Variants in BPIFB2 observed in about 807,000 individuals in gnomAD.
BPIFB2 encodes the protein BPI fold-containing family B member 2.
BPIFB2 carries 39 observed loss-of-function variants against 50.1 expected under a neutral mutation model. The observed-to-expected ratio is 0.78, with a 90% CI of 0.60 to 1.02. The LOEUF is 1.02. BPIFB2 is among the 50% of genes least tolerant of loss of function. The probability of loss-of-function intolerance (pLI) is 0.00; values close to 1 mark genes in which losing one functional copy is unlikely to be tolerated. For missense variants in BPIFB2, 574 were observed against 585.8 expected, an observed-to-expected ratio of 0.98 and a Z score of 0.21; for synonymous variants, 280 against 256.3, an observed-to-expected ratio of 1.09 and a Z score of -0.88.
At position 33,020,351 on chromosome 20, in the gene BPIFB2, CT is replaced by C; in HGVS notation, c.1105del (p.Ser369LeufsTer5). 1 of 1,614,148 alleles carries C rather than the reference CT, an allele frequency of 6.2e-7. No homozygotes were observed. The highest frequency in any genetic ancestry group is 8.5e-7 in the Non-Finnish European group (1 of 1,180,010). ...DVVVNLRLQL[S>X]VSKVKLQGTT... Reference sequence around the variant, plus strand: ...AGGTAGTGAACTTGAGACTCCAGCTCTCTGTGTCCAAGGTGAAGCTTCAGGG... The same window carrying C: ...AGGTAGTGAACTTGAGACTCCAGCTCCTGTGTCCAAGGTGAAGCTTCAGGG... On this transcript the variant is annotated frameshift_variant, in exon 12 of 16. Transcript: ENST00000170150. LOFTEE classifies it high-confidence loss of function.
rs1450637084 is a variant in BPIFB2 at position 33,012,865 on chromosome 20, T to C, written c.266T>C (p.Val89Ala). The part of the protein sequence containing the change: ...LHLKFIAGFG[V>A]RLLAAANFTF... ...CTGAAATTCATTGCTGGTTTCGGAG[T>C]GCGCCTGCTGGCAGCAGCTAATTTT... The change falls in exon 4 of 16, where the codon GTG becomes GCG. Residue 89 changes from valine (V) to alanine (A), a missense_variant. Coordinates refer to ENST00000170150, the MANE Select transcript of BPIFB2 (RefSeq NM_025227.3). 6.2e-7 allele frequency: 1 copy of C among 1,613,944 alleles called. No individual in the cohort carries two copies. The highest frequency in any genetic ancestry group is 1.1e-5 in the South Asian group (1 of 91,048).
In BPIFB2 at chr20:33,021,343, T is replaced by C; in HGVS notation, c.1257T>C (p.Asn419=). Residue 419 remains asparagine (N), a splice_region_variant and synonymous_variant, in exon 14 of 16, where the codon AAT becomes AAC. Transcript: ENST00000170150. The stretch of plus-strand genomic sequence containing the variant: ...AGAAGCCCCTGCTGGACCATCTCAA[T>C]GGTAAGCCCTGCCCTCCACCCCAGC... The part of the protein sequence containing the change: ...VFEKPLLDHL[N]ALLAMGIALP... The C allele has an allele frequency of 6.2e-7, 1 of 1,612,526 alleles. No homozygotes were observed. Among genetic ancestry groups the C allele is most frequent in the Non-Finnish European group, 8.5e-7 (1 of 1,179,396 alleles).
chr20:33,008,885 C>T (rs565530145), intron 2 of BPIFB2, among the ~76,000 whole-genome samples: 6 of 152,164 alleles, frequency 3.9e-5, no homozygotes, highest in East Asian at 3.9e-4. Context: ...GGGGGGAGTA[C>T]GTCATGTGGC....
At chr20:33,019,285 ACT>A (rs969678737) in intron 10 of BPIFB2, among the ~76,000 whole-genome samples, 170 bp downstream of exon 10, 4 of 151,530 alleles carry the variant, frequency 2.6e-5, no homozygotes, top group Admixed American at 2.6e-4. Flanking sequence ...CAGACATCAC[ACT>A]CTGTCTCTCT....
At chr20:33,010,973 A>C (rs769375148) in intron 2 of BPIFB2, 51 bp from the exon 3 acceptor site, 1 of 1,485,780 alleles carries the variant, frequency 6.7e-7, no homozygotes, top group Non-Finnish European at 9.4e-7. Flanking sequence ...TGTTCTTGCT[A>C]CTTGGTGGTT....
chr20:33,020,282 C>T (rs1457701757), intron 11 of BPIFB2, 46 bp from the exon 12 acceptor site: 2 of 1,586,792 alleles, frequency 1.3e-6, no homozygotes, highest in Non-Finnish European at 1.7e-6. Flanking sequence ...CTGGTGCCCC[C>T]CTCATGGCTC....
At chr20:33,014,964 A>G (rs951186591) in intron 5 of BPIFB2, among the ~76,000 whole-genome samples, 6 of 152,202 alleles carry the variant, frequency 3.9e-5, no homozygotes, top group African/African-American at 1.4e-4. Context: ...TCAAGGAACT[A>G]TAGGTGCCTA....
chr20:33,018,466 G>C, intron 8 of BPIFB2, 116 bp downstream of exon 8: 1 of 1,291,152 alleles, frequency 7.7e-7, no homozygotes. Context: ...AGCTGGAATA[G>C]TGTCCCAGCC....
At chr20:33,023,067 T>A (rs1176052819) in intron 15 of BPIFB2, among the ~76,000 whole-genome samples, 1 of 152,132 alleles carries the variant, frequency 6.6e-6, no homozygotes, top group Admixed American at 6.5e-5. Context: ...GGTTCTGGGC[T>A]CCCATTCATA....
At chr20:33,017,398 A>T (rs74750012) in intron 7 of BPIFB2, among the ~76,000 whole-genome samples, 3,377 of 152,358 alleles carry the variant, frequency 0.022, 137 homozygotes, top group African/African-American at 0.077. Flanking sequence ...TCCAAGGACC[A>T]TTGACACTTA....
chr20:33,021,460 G>C, intron 14 of BPIFB2, 116 bp downstream of exon 14: 1 of 1,219,934 alleles, frequency 8.2e-7, no homozygotes, highest in African/African-American at 1.5e-5. Context: ...GTGAGAGGGG[G>C]CCTCTGGAGT....
At chr20:33,018,546 G>T in intron 8 of BPIFB2, 91 bp from the exon 9 acceptor site, 1 of 1,424,956 alleles carries the variant, frequency 7.0e-7, no homozygotes, top group Non-Finnish European at 9.6e-7. Context: ...GGGGCAGGGA[G>T]TGGCATCTAG....
At position 33,016,529 on chromosome 20, in the gene BPIFB2, C is replaced by G. The variant is rs576729744; in HGVS notation, c.517-513C>G. Among the ~76,000 whole-genome samples, 3 of 152,336 alleles carry G rather than the reference C, an allele frequency of 2.0e-5. No individual in the cohort carries two copies. The South Asian group carries it at 6.2e-4, about 32-fold the overall frequency. On this transcript the variant is annotated intron_variant, in intron 6 of 15. Transcript: ENST00000170150. ...TGCCCCTGGCCTTGCAGTTCCTCCT[C>G]TGCCCCCATCTTCTATCACACTGAT...
chr20:33,019,450 AG>A, intron 10 of BPIFB2, 129 bp from the exon 11 acceptor site: 2 of 1,100,778 alleles, frequency 1.8e-6, no homozygotes, highest in Non-Finnish European at 1.3e-6. Context: ...GCTTACACAG[AG>A]GGGGGACCCA....
At chr20:33,021,414 A>C in intron 14 of BPIFB2, 70 bp downstream of exon 14, 10 of 1,501,200 alleles carry the variant, frequency 6.7e-6, no homozygotes, top group African/African-American at 1.4e-5. Flanking sequence ...CTCGGTGCTC[A>C]ATCCCAGCCC....
chr20:33,012,052 G>A (rs1355278822), intron 3 of BPIFB2, among the ~76,000 whole-genome samples: 4 of 152,198 alleles, frequency 2.6e-5, no homozygotes, highest in African/African-American at 9.6e-5. Context: ...CTGGAACAAT[G>A]GGTGGATGGT....
At chr20:33,017,309 C>G (rs73907347) in intron 7 of BPIFB2, among the ~76,000 whole-genome samples, 4,115 of 152,300 alleles carry the variant, frequency 0.027, 176 homozygotes, top group African/African-American at 0.093. Flanking sequence ...GTCTTTGATT[C>G]TAGAATCTGT....
At chr20:33,022,564 G>A (rs1399564909) in intron 15 of BPIFB2, among the ~76,000 whole-genome samples, 1 of 152,196 alleles carries the variant, frequency 6.6e-6, no homozygotes, top group Admixed American at 6.5e-5. Flanking sequence ...CCCAGCCACT[G>A]GGTCAGAGGT....
chr20:33,018,835 C>T lies in BPIFB2; in HGVS notation c.855+13C>T, dbSNP rs1978539566. On this transcript the variant is annotated intron_variant, in intron 9 of 15. Coordinates refer to ENST00000170150, the MANE Select transcript of BPIFB2 (RefSeq NM_025227.3). ...CACAGGGCAGCTGGTGAGGGCCCGA[C>T]CTGCAGCCCAGGGCCTGTGGGGCAA... is the stretch of plus-strand genomic sequence containing the variant. 1.2e-6 allele frequency: 2 copies of T among 1,606,212 alleles called. No individual in the cohort carries two copies. Among genetic ancestry groups the T allele is most frequent in the Non-Finnish European group, 1.7e-6 (2 of 1,176,492 alleles).
Sources: allele counts gnomAD v4.1 joint callset (sites outside exome capture counted in the v4.1 genomes callset), GRCh38; gene constraint gnomAD v4.1.1; transcripts MANE v1.5; gene names NCBI Gene and HGNC (gene_info 2026-07-23, HGNC 2026-07-21).